Variants in NCKAP5 observed in about 807,000 individuals in gnomAD.
The protein encoded by NCKAP5 is NCK associated protein 5, also known as nck-associated protein 5.
Under a neutral mutation model 167.0 loss-of-function variants are expected in NCKAP5, and 92 were observed. The observed-to-expected ratio is 0.55, with a 90% CI of 0.47 to 0.66. The LOEUF is 0.66. NCKAP5 is among the 30% of genes least tolerant of loss of function. The pLI is 0.00. For synonymous variants in NCKAP5, 891 were observed against 877.4 expected (o/e 1.02, Z -0.27); for missense variants, 2,378 against 2,315.0 (o/e 1.03, Z -0.56).
chr2:133,617,110 T>G, the NCKAP5 span, among the ~76,000 whole-genome samples: 1 of 152,192 alleles, frequency 6.6e-6, no homozygotes, highest in African/African-American at 2.4e-5. Context: ...CAGCCCTTCA[T>G]GCTAAAAACT....
intron 5 of NCKAP5, among the ~76,000 whole-genome samples, chr2:133,205,130 A>T (rs1447293401): frequency 6.6e-6 from 1 of 152,034 alleles, no homozygotes; most frequent in Non-Finnish European, 1.5e-5. Context: ...CTCTACAAAA[A>T]AATTTAAAAA....
intron 16 of NCKAP5, among the ~76,000 whole-genome samples, chr2:132,760,511 T>C (rs1415885825): frequency 6.6e-6 from 1 of 152,220 alleles, no homozygotes; most frequent in Non-Finnish European, 1.5e-5. Flanking sequence ...GTAATCTGTA[T>C]TATATTCTAT....
At chr2:133,631,937 A>G in the NCKAP5 span, among the ~76,000 whole-genome samples, 2 of 152,246 alleles carry the variant, frequency 1.3e-5, no homozygotes, top group South Asian at 4.1e-4. Context: ...GGACACTTCT[A>G]GAAGCAACTG....
chr2:133,379,982 T>A lies in NCKAP5; in HGVS notation c.70-76872A>T, dbSNP rs1487232109. Among the ~76,000 whole-genome samples, 7 of 152,320 alleles carry A rather than the reference T, an allele frequency of 4.6e-5. No homozygotes were observed. The East Asian group carries it at 1.3e-3, about 29-fold the overall frequency. ...TGTTCATACTATTACAATATATAAC[T>A]GTCAAAAAGCAAATTGCAGAAATAT... On this transcript the variant is annotated intron_variant, in intron 3 of 19. Transcript: ENST00000409261.
intron 2 of NCKAP5, among the ~76,000 whole-genome samples, chr2:133,527,969 G>A (rs1450371059): frequency 1.3e-5 from 2 of 152,134 alleles, no homozygotes; most frequent in Non-Finnish European, 2.9e-5. Flanking sequence ...AAAGGCTGAG[G>A]CAGGAGGACT....
intron 16 of NCKAP5, among the ~76,000 whole-genome samples, chr2:132,745,842 C>CAAAAAAAA (rs1312191976): frequency 4.0e-5 from 6 of 151,616 alleles, no homozygotes; most frequent in Non-Finnish European, 8.8e-5. Context: ...CTAACAGCAT[C>CAAAAAAAA]AAAATATGAA....
At chr2:132,762,956 G>T (rs1362142034) in intron 16 of NCKAP5, among the ~76,000 whole-genome samples, 2 of 152,078 alleles carry the variant, frequency 1.3e-5, no homozygotes, top group Admixed American at 1.3e-4. Flanking sequence ...TTTTTGGTAG[G>T]GAGTCCTTTG....
chr2:132,888,386 T>C (rs945866349), intron 8 of NCKAP5, among the ~76,000 whole-genome samples: 7 of 152,290 alleles, frequency 4.6e-5, no homozygotes, highest in African/African-American at 1.7e-4. Context: ...AGGATGTCTA[T>C]ATTTTTTCTT....
Position 132,859,802 on chromosome 2 carries a change from C to T in NCKAP5, c.807+690G>A, listed in dbSNP as rs996879997. 2.6e-4 allele frequency among the ~76,000 whole-genome samples: 39 copies of T among 152,240 alleles called. 1 individual carries two copies. Among genetic ancestry groups the T allele is most frequent in the African/African-American group, 8.2e-4 (34 of 41,542 alleles). On this transcript the variant is annotated intron_variant, in intron 11 of 19. Transcript: ENST00000409261. ...TACACATTAATAGGATCACAAAGATCGGAAACAGCAAAGGTCAGCCCTGCA... is the reference window on the plus strand; with the variant it reads ...TACACATTAATAGGATCACAAAGATTGGAAACAGCAAAGGTCAGCCCTGCA...
At chr2:133,610,468 C>T in the NCKAP5 span, among the ~76,000 whole-genome samples, 10 of 152,196 alleles carry the variant, frequency 6.6e-5, no homozygotes, top group Non-Finnish European at 1.2e-4. Context: ...AATCATTCCC[C>T]AGGCATCTCT....
chr2:132,715,719 G>T (rs962790716), intron 19 of NCKAP5, among the ~76,000 whole-genome samples: 5 of 152,152 alleles, frequency 3.3e-5, no homozygotes, highest in African/African-American at 1.2e-4. Context: ...AGACACCGTG[G>T]AGGGATCAAC....
chr2:133,394,673 A>G (rs1318772975), intron 3 of NCKAP5, among the ~76,000 whole-genome samples: 1 of 152,194 alleles, frequency 6.6e-6, no homozygotes, highest in Non-Finnish European at 1.5e-5. Flanking sequence ...CTTTACAGTA[A>G]CCCCAGGAAC....
intron 5 of NCKAP5, among the ~76,000 whole-genome samples, chr2:133,194,232 A>G (rs2085345133): frequency 6.6e-6 from 1 of 152,036 alleles, no homozygotes; most frequent in Non-Finnish European, 1.5e-5. Flanking sequence ...CTATACCTGA[A>G]TTAATCACTC....
At chr2:133,522,509 T>G (rs1418088036) in intron 2 of NCKAP5, among the ~76,000 whole-genome samples, 2 of 152,222 alleles carry the variant, frequency 1.3e-5, no homozygotes, top group Non-Finnish European at 2.9e-5. Context: ...TAATAAATAC[T>G]AAGCCTCTAG....
At chr2:132,802,970 T>G in intron 11 of NCKAP5, among the ~76,000 whole-genome samples, 1 of 152,252 alleles carries the variant, frequency 6.6e-6, no homozygotes, top group East Asian at 1.9e-4. Flanking sequence ...ATTAAGAATT[T>G]ATTATAAAAC....
chr2:133,110,422 C>T (rs111815947), intron 6 of NCKAP5, among the ~76,000 whole-genome samples: 9 of 152,138 alleles, frequency 5.9e-5, no homozygotes, highest in African/African-American at 1.4e-4. Context: ...GCGAGGTTCA[C>T]GGTATCACAG....
chr2:132,803,214 T>C (rs1685171763), intron 11 of NCKAP5, among the ~76,000 whole-genome samples: 1 of 152,230 alleles, frequency 6.6e-6, no homozygotes, highest in South Asian at 2.1e-4. Context: ...TAAAAAAATA[T>C]GTCCATCATA....
intron 3 of NCKAP5, among the ~76,000 whole-genome samples, chr2:133,436,321 A>T (rs1690477463): frequency 2.0e-5 from 3 of 152,164 alleles, no homozygotes; most frequent in African/African-American, 7.2e-5. Flanking sequence ...GAGACCAGGC[A>T]TCACCATTTT....
intron 3 of NCKAP5, among the ~76,000 whole-genome samples, chr2:133,515,455 G>T (rs904097580): frequency 2.6e-5 from 4 of 152,188 alleles, no homozygotes; most frequent in Non-Finnish European, 5.9e-5. Flanking sequence ...ACAAGGAAAA[G>T]ATTTCACTAG....
Sources: gnomAD v4.1 joint callset for allele counts (sites outside exome capture counted in the v4.1 genomes callset) on GRCh38, gnomAD v4.1.1 for gene constraint, MANE v1.5 for transcripts, NCBI Gene and HGNC (gene_info 2026-07-23, HGNC 2026-07-21) for gene names.